The following DPP10 variants were observed in gnomAD, a reference collection of about 807,000 sequenced individuals.
The protein encoded by DPP10 is inactive dipeptidyl peptidase 10.
A neutral mutation model predicts 120.9 loss-of-function variants in DPP10; 33 were observed. That is an observed-to-expected ratio of 0.27 (90% CI 0.21 to 0.37). The LOEUF (loss-of-function observed/expected upper bound fraction) is 0.37, where lower values mean the gene tolerates loss of function less well. Among genes scored for constraint, DPP10 ranks in the 10% least tolerant of loss-of-function variants. The pLI is 1.00. For missense variants in DPP10, 816 were observed against 942.8 expected (o/e 0.87, Z 1.76); for synonymous variants, 337 against 326.1 (o/e 1.03, Z -0.36).
At chr2:115,560,679 A>G (rs2080590803) in intron 5 of DPP10, among the ~76,000 whole-genome samples, 1 of 151,210 alleles carries the variant, frequency 6.6e-6, no homozygotes, top group Non-Finnish European at 1.5e-5. Flanking sequence ...CAGTGGCACT[A>G]TCATGGCTCA....
intron 5 of DPP10, among the ~76,000 whole-genome samples, chr2:115,538,190 A>T (rs1274300379): frequency 2.0e-5 from 3 of 152,136 alleles, no homozygotes; most frequent in African/African-American, 7.2e-5. Context: ...ATCCTGAAAC[A>T]AAGGAAGTAA....
intron 1 of DPP10, among the ~76,000 whole-genome samples, chr2:115,196,631 A>G (rs1008916093): frequency 6.6e-6 from 1 of 152,212 alleles, no homozygotes; most frequent in African/African-American, 2.4e-5. Context: ...AACTATAACC[A>G]TAAAAGAGAC....
At chr2:115,498,827 G>A (rs2076539487) in intron 3 of DPP10, among the ~76,000 whole-genome samples, 1 of 151,502 alleles carries the variant, frequency 6.6e-6, no homozygotes, top group South Asian at 2.1e-4. Context: ...TAACAAATAT[G>A]GCCAAACTTA....
intron 1 of DPP10, among the ~76,000 whole-genome samples, chr2:115,265,864 A>T (rs183514457): frequency 1.8e-3 from 267 of 152,078 alleles, no homozygotes; most frequent in Admixed American, 4.3e-3. Flanking sequence ...GAATTGCTTG[A>T]ACCCGGGAGG....
At chr2:115,378,702 CT>C (rs1241073774) in intron 3 of DPP10, among the ~76,000 whole-genome samples, 1 of 152,016 alleles carries the variant, frequency 6.6e-6, no homozygotes, top group Non-Finnish European at 1.5e-5. Flanking sequence ...TCATAGATAG[CT>C]CTTATTATTT....
intron 5 of DPP10, among the ~76,000 whole-genome samples, chr2:115,598,760 G>C (rs1231383302): frequency 6.7e-6 from 1 of 148,760 alleles, no homozygotes; most frequent in Non-Finnish European, 1.5e-5. Flanking sequence ...TATGATGAAA[G>C]ATTCAAGCTT....
intron 3 of DPP10, among the ~76,000 whole-genome samples, chr2:115,498,242 T>A (rs1483055769): frequency 2.6e-5 from 4 of 152,150 alleles, no homozygotes; most frequent in Non-Finnish European, 5.9e-5. Flanking sequence ...TTGGACTATG[T>A]GTTTTGAATT....
intron 21 of DPP10, among the ~76,000 whole-genome samples, chr2:115,825,078 A>G (rs1454384579): frequency 1.3e-5 from 2 of 152,208 alleles, no homozygotes; most frequent in Admixed American, 6.5e-5. Context: ...AAAAGTTGCA[A>G]CTATTACGTA....
intron 1 of DPP10, among the ~76,000 whole-genome samples, chr2:114,938,979 C>T (rs1378281991): frequency 2.0e-5 from 3 of 152,012 alleles, no homozygotes; most frequent in Non-Finnish European, 4.4e-5. Flanking sequence ...CATTTACTTT[C>T]TAACTTTCCT....
rs780603556 is a variant in DPP10 at position 115,814,936 on chromosome 2, T to C, written c.1844T>C (p.Ile615Thr). The stretch of plus-strand genomic sequence containing the variant: ...CAGGGTCTGAAAATTTTGCAGGAGA[T>C]TCATCGAAGATTAGGTTCAGTAGAA... ...GFQGLKILQE[I>T]HRRLGSVEVK... is the part of the protein sequence containing the mutation. The change falls in exon 20 of 26, where the codon ATT (isoleucine) becomes ACT (threonine). Residue 615 changes from isoleucine (I) to threonine (T), a missense_variant. This residue lies in a region of DPP10 where 592 missense variants were observed against 649.0 expected (regional missense o/e 0.91). Transcript: ENST00000410059. The C allele has an allele frequency of 1.2e-6, 2 of 1,612,490 alleles. No individual in the cohort carries two copies. The highest frequency in any genetic ancestry group is 3.3e-5 in the Admixed American group (2 of 60,008).
At chr2:115,660,001 TA>T (rs1243589001) in intron 5 of DPP10, among the ~76,000 whole-genome samples, 3 of 152,152 alleles carry the variant, frequency 2.0e-5, no homozygotes, top group Non-Finnish European at 4.4e-5. Flanking sequence ...ATCCATGGCA[TA>T]GGGGTAAATT....
intron 1 of DPP10, among the ~76,000 whole-genome samples, chr2:114,872,318 T>G (rs1207632515): frequency 6.6e-6 from 1 of 152,048 alleles, no homozygotes; most frequent in African/African-American, 2.4e-5. Flanking sequence ...AGCCATCATA[T>G]TCCAAGAAAA....
chr2:114,997,320 T>G (rs1167377219), intron 1 of DPP10, among the ~76,000 whole-genome samples: 5 of 83,230 alleles, frequency 6.0e-5, no homozygotes, highest in African/African-American at 2.0e-4. Context: ...AAACCCCGTC[T>G]CTACTGAAAA....
intron 1 of DPP10, among the ~76,000 whole-genome samples, chr2:114,611,272 A>G (rs1286898902): frequency 1.3e-5 from 2 of 152,200 alleles, no homozygotes; most frequent in Non-Finnish European, 1.5e-5. Context: ...GAAAAGGAAG[A>G]CAACATGATT....
At chr2:115,629,916 G>GT (rs965995420) in intron 5 of DPP10, among the ~76,000 whole-genome samples, 13 of 152,208 alleles carry the variant, frequency 8.5e-5, no homozygotes, top group East Asian at 1.9e-4. Flanking sequence ...GTTTAAAGTA[G>GT]TTTTTTTCCA....
intron 21 of DPP10, among the ~76,000 whole-genome samples, chr2:115,833,461 C>G (rs1419183783): frequency 6.6e-6 from 1 of 152,170 alleles, no homozygotes; most frequent in Non-Finnish European, 1.5e-5. Context: ...GAACAATATA[C>G]TGGAAATGCT....
At chr2:114,832,513 G>A (rs1267378242) in intron 1 of DPP10, among the ~76,000 whole-genome samples, 2 of 152,198 alleles carry the variant, frequency 1.3e-5, no homozygotes, top group East Asian at 3.9e-4. Context: ...CCAGCCTGGC[G>A]ACAGAGCGAG....
chr2:114,659,356 A>C (rs968066581), intron 1 of DPP10, among the ~76,000 whole-genome samples: 1 of 152,076 alleles, frequency 6.6e-6, no homozygotes, highest in African/African-American at 2.4e-5. Context: ...TCAAAAATGA[A>C]TTGTAAGAAG....
chr2:115,230,782 A>G (rs1254476740), intron 1 of DPP10, among the ~76,000 whole-genome samples: 2 of 152,074 alleles, frequency 1.3e-5, no homozygotes, highest in Non-Finnish European at 2.9e-5. Context: ...ACAGACACGT[A>G]TAAGGAAGAA....
Sources: allele counts gnomAD v4.1 joint callset (sites outside exome capture counted in the v4.1 genomes callset), GRCh38; gene constraint gnomAD v4.1.1; regional missense constraint gnomAD v4.1.1; transcripts MANE v1.5; gene names NCBI Gene and HGNC (gene_info 2026-07-23, HGNC 2026-07-21).